CLSTN2: variants seen among roughly 807,000 people sequenced by gnomAD.
CLSTN2 encodes the protein calsyntenin-2.
A neutral mutation model predicts 101.2 loss-of-function variants in CLSTN2; 48 were observed. The observed-to-expected ratio is 0.47, with a 90% CI of 0.38 to 0.60. The LOEUF is 0.60. CLSTN2 is among the 20% of genes least tolerant of loss of function. CLSTN2 has a pLI of 0.00. For synonymous variants in CLSTN2, 481 were observed against 463.6 expected (o/e 1.04, Z -0.48); for missense variants, 1,160 against 1,238.2 (o/e 0.94, Z 0.95).
intron 2 of CLSTN2, among the ~76,000 whole-genome samples, chr3:140,341,444 G>A (rs1007155749): frequency 6.6e-6 from 1 of 152,214 alleles, no homozygotes; most frequent in Non-Finnish European, 1.5e-5. Context: ...GTGTCAGAAT[G>A]AGCAGGCCCA....
At chr3:139,955,750 C>T (rs1183399127) in intron 1 of CLSTN2, among the ~76,000 whole-genome samples, 4 of 152,096 alleles carry the variant, frequency 2.6e-5, no homozygotes, top group African/African-American at 4.8e-5. Context: ...TTGTTCCTGA[C>T]CTTGACATTA....
chr3:140,122,614 A>G (rs369066157), intron 1 of CLSTN2, among the ~76,000 whole-genome samples: 15 of 152,306 alleles, frequency 9.8e-5, no homozygotes, highest in African/African-American at 3.6e-4. Flanking sequence ...TTAATGGCAC[A>G]GGGAGGGAGT....
At chr3:140,318,479 C>G (rs1018047352) in intron 2 of CLSTN2, among the ~76,000 whole-genome samples, 4 of 152,122 alleles carry the variant, frequency 2.6e-5, no homozygotes, top group African/African-American at 9.7e-5. Context: ...CAGAGTAGAG[C>G]AGCTATTGAA....
chr3:140,560,952 A>G (rs1346380309), intron 12 of CLSTN2, among the ~76,000 whole-genome samples: 1 of 152,098 alleles, frequency 6.6e-6, no homozygotes, highest in African/African-American at 2.4e-5. Flanking sequence ...ATTGTGATTG[A>G]CAAGCATTTA....
intron 2 of CLSTN2, among the ~76,000 whole-genome samples, chr3:140,271,257 C>T (rs1559824961): frequency 6.6e-6 from 1 of 152,070 alleles, no homozygotes; most frequent in Non-Finnish European, 1.5e-5. Flanking sequence ...AATGCCAGCT[C>T]GTGTTCAAGC....
intron 1 of CLSTN2, among the ~76,000 whole-genome samples, chr3:140,048,104 A>C (rs989163391): frequency 9.2e-5 from 14 of 152,218 alleles, no homozygotes; most frequent in Non-Finnish European, 1.5e-4. Context: ...ATATGGCTGA[A>C]AATTGTGATC....
chr3:139,986,157 G>A (rs1936017063), intron 1 of CLSTN2, among the ~76,000 whole-genome samples: 1 of 152,142 alleles, frequency 6.6e-6, no homozygotes, highest in Non-Finnish European at 1.5e-5. Context: ...AACAGTCATA[G>A]CTGCATGATT....
At chr3:140,077,230 C>T (rs1467441784) in intron 1 of CLSTN2, among the ~76,000 whole-genome samples, 4 of 152,158 alleles carry the variant, frequency 2.6e-5, no homozygotes, top group Non-Finnish European at 5.9e-5. Context: ...AATTTGGATT[C>T]CCAGTCCTAG....
chr3:140,566,397 C>T lies in CLSTN2; in HGVS notation c.*144C>T, dbSNP rs933736239. 7.8e-6 allele frequency: 6 copies of T among 765,602 alleles called. No homozygotes were observed. In the African/African-American group the frequency reaches 1.0e-4, roughly 13 times the overall value. 47.4% of individuals were successfully genotyped at this position (765,602 alleles called of 1,614,324 possible). A position where few individuals can be genotyped will look rare whatever the true frequency, so the allele number is the denominator to read the frequency against. ...AGCTTCCTGGAGCCCACCCTTTAAG[C>T]CTTGGGCACTCCCTGTGTTTCATCC... is the stretch of plus-strand genomic sequence containing the variant. On this transcript the variant is annotated 3_prime_UTR_variant, in exon 17 of 17. Coordinates refer to ENST00000458420, the MANE Select transcript of CLSTN2 (RefSeq NM_022131.3).
At chr3:140,260,523 T>G (rs1005459260) in intron 2 of CLSTN2, among the ~76,000 whole-genome samples, 4 of 152,144 alleles carry the variant, frequency 2.6e-5, no homozygotes, top group Non-Finnish European at 5.9e-5. Flanking sequence ...GTTAATATGG[T>G]AAATTACATT....
At chr3:140,374,917 T>C (rs1218356592) in intron 2 of CLSTN2, among the ~76,000 whole-genome samples, 1 of 152,244 alleles carries the variant, frequency 6.6e-6, no homozygotes, top group Non-Finnish European at 1.5e-5. Context: ...ACTCCAATTA[T>C]TCCCTCTGAC....
At chr3:140,138,034 T>A (rs1299183476) in intron 1 of CLSTN2, among the ~76,000 whole-genome samples, 5 of 152,130 alleles carry the variant, frequency 3.3e-5, no homozygotes, top group African/African-American at 4.8e-5. Context: ...AGAACCATAG[T>A]GGTCAGTGCA....
chr3:140,443,823 G>A (rs369243381), intron 5 of CLSTN2, among the ~76,000 whole-genome samples: 8 of 152,276 alleles, frequency 5.3e-5, no homozygotes, highest in African/African-American at 1.7e-4. Context: ...CCCACGAGGG[G>A]ATATAATTTT....
At chr3:140,016,298 T>A (rs2107753613) in intron 1 of CLSTN2, among the ~76,000 whole-genome samples, 1 of 152,342 alleles carries the variant, frequency 6.6e-6, no homozygotes, top group Admixed American at 6.5e-5. Context: ...ATTTTCAAAC[T>A]GTGACTTAAG....
intron 2 of CLSTN2, among the ~76,000 whole-genome samples, chr3:140,400,823 A>G (rs2088233419): frequency 6.6e-6 from 1 of 151,894 alleles, no homozygotes; most frequent in East Asian, 1.9e-4. Context: ...CACGGCCTCC[A>G]CTCCTGCCAC....
chr3:140,425,310 C>G (rs1378289134), intron 5 of CLSTN2, among the ~76,000 whole-genome samples: 1 of 152,226 alleles, frequency 6.6e-6, no homozygotes, highest in African/African-American at 2.4e-5. Flanking sequence ...GACTTGCTCT[C>G]AGACTCCAGT....
At chr3:140,398,704 G>A (rs946375164) in intron 2 of CLSTN2, among the ~76,000 whole-genome samples, 21 of 152,184 alleles carry the variant, frequency 1.4e-4, no homozygotes, top group Admixed American at 7.2e-4. Flanking sequence ...GACCTTGGAT[G>A]AACACGTAAT....
At chr3:140,395,635 G>A (rs2088173197) in intron 2 of CLSTN2, among the ~76,000 whole-genome samples, 2 of 152,174 alleles carry the variant, frequency 1.3e-5, no homozygotes, top group South Asian at 4.1e-4. Flanking sequence ...ATCTGAAGTG[G>A]GAGGGTTTAA....
chr3:140,082,543 G>A (rs936814817), intron 1 of CLSTN2, among the ~76,000 whole-genome samples: 1 of 152,034 alleles, frequency 6.6e-6, no homozygotes, highest in African/African-American at 2.4e-5. Context: ...TCCCACTGTG[G>A]CACCCACTAC....
Sources: gnomAD v4.1 joint callset for allele counts (sites outside exome capture counted in the v4.1 genomes callset) on GRCh38, gnomAD v4.1.1 for gene constraint, MANE v1.5 for transcripts, NCBI Gene and HGNC (gene_info 2026-07-23, HGNC 2026-07-21) for gene names.